The following KCNN1 variants were observed in gnomAD, a reference collection of about 807,000 sequenced individuals.
The protein encoded by KCNN1 is small conductance calcium-activated potassium channel protein 1.
In KCNN1, 20 loss-of-function variants were observed where a neutral mutation model predicts 44.7. The observed-to-expected ratio is 0.45, with a 90% CI of 0.32 to 0.65. The LOEUF is 0.65. Ranked by LOEUF, KCNN1 falls within the 30% of genes least tolerant of loss-of-function variation. The pLI is 0.05. For synonymous variants in KCNN1, 324 were observed against 341.7 expected, an observed-to-expected ratio of 0.95 and a Z score of 0.57; for missense variants, 632 against 785.3, an observed-to-expected ratio of 0.80 and a Z score of 2.33.
intron 4 of KCNN1, among the ~76,000 whole-genome samples, chr19:17,984,162 C>CAAAAAA (rs527690149): frequency 7.2e-6 from 1 of 139,306 alleles, no homozygotes; most frequent in Non-Finnish European, 1.6e-5. Flanking sequence ...GATATTGTCT[C>CAAAAAA]AAAAAAAAAA....
At chr19:17,973,232 A>T (rs1655060653) in intron 1 of KCNN1, among the ~76,000 whole-genome samples, 1 of 152,122 alleles carries the variant, frequency 6.6e-6, no homozygotes, top group Non-Finnish European at 1.5e-5. Flanking sequence ...GCCTCTGAGT[A>T]GCTGTGATTA....
In KCNN1 at chr19:17,998,048, C is replaced by A; in HGVS notation, c.1378-104C>A. ...GGGCCCCATTAGTGGCTGGCACCCA[C>A]CTGGAGCGTGTGGGCTGTCCCTCTC... On this transcript the variant is annotated intron_variant, in intron 9 of 9. Transcript: ENST00000684775. The surrounding 1 kb of genome is among the most constrained non-coding windows in gnomAD (Gnocchi z 5.4). The A allele has an allele frequency of 7.4e-7, 1 of 1,342,386 alleles. No homozygotes were observed. Among genetic ancestry groups the A allele is most frequent in the Non-Finnish European group, 9.9e-7 (1 of 1,010,176 alleles). 83.2% of individuals were successfully genotyped at this position (1,342,386 alleles called of 1,614,324 possible).
chr19:17,960,499 G>T (rs1329438011), intron 2 of KCNN1, among the ~76,000 whole-genome samples: 1 of 151,984 alleles, frequency 6.6e-6, no homozygotes, highest in Non-Finnish European at 1.5e-5. Flanking sequence ...GCGTGGTGGT[G>T]GGTGCCTATA....
intron 2 of KCNN1, among the ~76,000 whole-genome samples, chr19:17,956,028 A>G (rs2031536889): frequency 6.6e-6 from 1 of 151,146 alleles, no homozygotes; most frequent in Middle Eastern, 3.2e-3. Context: ...CCTCCACCCC[A>G]CCGGGTTCAA....
In KCNN1 at chr19:17,998,535, C is replaced by T. The variant is rs2033083319; in HGVS notation, c.*129C>T. On this transcript the variant is annotated 3_prime_UTR_variant, in exon 10 of 10. Transcript: ENST00000684775. This position sits in a 1 kb window ranked among gnomAD's most constrained non-coding sequence, Gnocchi z 5.4. ...TGAGTCAGGCTGAGTGGACTGAGGC[C>T]TGCCCCGCCCAGACTGCCCAGGCAG... The T allele has an allele frequency of 1.0e-6, 1 of 995,512 alleles. No individual in the cohort carries two copies. Among genetic ancestry groups the T allele is most frequent in the Non-Finnish European group, 1.4e-6 (1 of 710,294 alleles). The allele number at this position is 995,512 out of a possible 1,614,324, so 61.7% of individuals were successfully genotyped here.
chr19:17,997,997 G>A (rs889453442), intron 9 of KCNN1, among the ~76,000 whole-genome samples, 155 bp from the exon 10 acceptor site: 1 of 152,002 alleles, frequency 6.6e-6, no homozygotes, highest in South Asian at 2.1e-4. Flanking sequence ...TGGGGCTGGG[G>A]GTATCCTCCC....
chr19:17,992,215 C>A (rs1042691898), intron 7 of KCNN1, among the ~76,000 whole-genome samples: 3 of 150,484 alleles, frequency 2.0e-5, no homozygotes, highest in African/African-American at 7.3e-5. Context: ...CCCAGCTACT[C>A]GGAAGGCTGA....
In KCNN1 at chr19:17,997,262, G is replaced by A. The variant is rs145630875; in HGVS notation, c.1378-890G>A. Among the ~76,000 whole-genome samples the A allele has an allele frequency of 7.3e-3, 1,108 of 152,276 alleles. 7 individuals are homozygous for A. The highest frequency in any genetic ancestry group is 0.012 in the Admixed American group (177 of 15,280). The stretch of plus-strand genomic sequence containing the variant: ...CCTAATGGGAGGGGTGGCAGTTCAC[G>A]ACTGAACAGGGTCCCCCCTCCTCTT... On this transcript the variant is annotated intron_variant, in intron 9 of 9. Coordinates refer to ENST00000684775, the MANE Select transcript of KCNN1 (RefSeq NM_001386974.1).
chr19:17,965,591 G>A (rs907418620), upstream of KCNN1, among the ~76,000 whole-genome samples: 3 of 152,122 alleles, frequency 2.0e-5, no homozygotes, highest in Non-Finnish European at 4.4e-5. Flanking sequence ...TGGAGTGCTG[G>A]TGAGTCAGTG....
Position 17,973,986 on chromosome 19 carries a change from C to G in KCNN1, c.98C>G (p.Pro33Arg). 1.3e-6 allele frequency: 2 copies of G among 1,577,988 alleles called. No homozygotes were observed. The highest frequency in any genetic ancestry group is 1.7e-6 in the Non-Finnish European group (2 of 1,163,860). Residue 33 changes from proline to arginine, a missense_variant, in exon 2 of 10, where the codon CCC becomes CGC. Pro to Arg is a moderately radical substitution (Grantham distance 103, BLOSUM62 -2). Transcript: ENST00000684775. ...RDPPDPEAGH[P>R]PQPPHSPGLQ... ...CCTCCGGACCCTGAGGCCGGCCACC[C>G]CCCACAACCCCCGCACAGCCCGGGC... is the stretch of plus-strand genomic sequence containing the variant.
In KCNN1 at chr19:17,989,888, C is replaced by T. The variant is rs549124302; in HGVS notation, c.1298+45C>T. ...AGCTCACGTTTCTGTGTCCACATGG[C>T]GCGGAGGCAGCCCTCGCAGCTCTGT... On this transcript the variant is annotated intron_variant, in intron 7 of 9. Transcript: ENST00000684775. 45 of 1,610,162 alleles carry T rather than the reference C, an allele frequency of 2.8e-5. No homozygotes were observed. In the South Asian group the frequency reaches 3.2e-4, roughly 11 times the overall value.
In KCNN1 at chr19:17,985,407, C is replaced by T; in HGVS notation, c.1013C>T (p.Pro338Leu). The T allele has an allele frequency of 6.2e-7, 1 of 1,611,090 alleles. No homozygotes were observed. Among genetic ancestry groups the T allele is most frequent in the Non-Finnish European group, 8.5e-7 (1 of 1,177,978 alleles). ...FLSIGYGDMV[P>L]HTYCGKGVCL... ...TCCATTGGCTACGGCGACATGGTGC[C>T]CCACACCTACTGCGGGAAGGGTGTG... Residue 338 changes from proline to leucine, a missense_variant, in exon 5 of 10, where the codon CCC (proline) becomes CTC (leucine). Transcript: ENST00000684775.
chr19:17,965,273 C>CAAAAA (rs35151160), upstream of KCNN1, among the ~76,000 whole-genome samples: 4,569 of 134,220 alleles, frequency 0.034, 256 homozygotes, highest in African/African-American at 0.12. Context: ...GACTCTGTCT[C>CAAAAA]AAAAAAAAAA....
chr19:17,953,777 A>C (rs2031477580), intron 1 of KCNN1, among the ~76,000 whole-genome samples: 1 of 152,216 alleles, frequency 6.6e-6, no homozygotes, highest in South Asian at 2.1e-4. Flanking sequence ...AAAAATTAAA[A>C]AAATTAGCCA....
intron 9 of KCNN1, among the ~76,000 whole-genome samples, chr19:17,994,510 G>A (rs548006129): frequency 2.0e-5 from 3 of 149,840 alleles, no homozygotes; most frequent in Admixed American, 1.3e-4. Flanking sequence ...GTGTTGATTC[G>A]AATATCAAGT....
chr19:17,982,482 G>A, intron 4 of KCNN1: 1 of 903,060 alleles, frequency 1.1e-6, no homozygotes, highest in Non-Finnish European at 1.3e-6. Context: ...AGCAGGCACA[G>A]GGATGCCTCC....
chr19:17,997,368 T>C (rs552399172), intron 9 of KCNN1, among the ~76,000 whole-genome samples: 6 of 152,274 alleles, frequency 3.9e-5, no homozygotes, highest in Admixed American at 3.3e-4. Flanking sequence ...CCCAGGTCTG[T>C]GGGTACCACT....
At position 17,969,750 on chromosome 19, in the gene KCNN1, C is replaced by T. The variant is rs557393364; in HGVS notation, c.-82+2433C>T. The stretch of plus-strand genomic sequence containing the variant: ...CCCCTCTGGGTTCTGTCTGCCAGGC[C>T]ACCCGCTTCTCATCCCTGTGCCCCC... On this transcript the variant is annotated intron_variant, in intron 1 of 9. Transcript: ENST00000684775. Among the ~76,000 whole-genome samples the T allele has an allele frequency of 2.0e-5, 3 of 152,354 alleles. No individual in the cohort carries two copies. In the East Asian group the frequency reaches 5.8e-4, roughly 29 times the overall value.
intron 1 of KCNN1, among the ~76,000 whole-genome samples, chr19:17,953,154 T>G (rs899351768): frequency 6.6e-6 from 1 of 152,108 alleles, no homozygotes; most frequent in Non-Finnish European, 1.5e-5. Context: ...AGATCTCACC[T>G]CCTCTTGTCC....
Sources: gnomAD v4.1 joint callset for allele counts (sites outside exome capture counted in the v4.1 genomes callset) on GRCh38, gnomAD v4.1.1 for gene constraint, Gnocchi (gnomAD v3.1) non-coding constraint, MANE v1.5 for transcripts, NCBI Gene and HGNC (gene_info 2026-07-23, HGNC 2026-07-21) for gene names.